The following CYP3A43 variants were observed in gnomAD, a reference collection of about 807,000 sequenced individuals.
CYP3A43 encodes cytochrome P450 family 3 subfamily A member 43, also known as cytochrome P450 3A43.
A neutral mutation model predicts 58.0 loss-of-function variants in CYP3A43; 45 were observed. That is an observed-to-expected ratio of 0.78 (90% CI 0.61 to 0.99). CYP3A43 has a LOEUF of 0.99. CYP3A43 is among the 50% of genes least tolerant of loss of function. The pLI is 0.00. For missense variants in CYP3A43, 593 were observed against 591.9 expected, an observed-to-expected ratio of 1.00 and a Z score of -0.02; for synonymous variants, 191 against 201.4, an observed-to-expected ratio of 0.95 and a Z score of 0.44.
chr7:99,856,742 T>A, intron 8 of CYP3A43, 91 bp from the exon 9 acceptor site: 1 of 1,317,494 alleles, frequency 7.6e-7, no homozygotes, highest in South Asian at 1.2e-5. Context: ...GAGAGCATAT[T>A]CTCAGGAGGG....
intron 9 of CYP3A43, among the ~76,000 whole-genome samples, chr7:99,859,517 T>C (rs1251794345): frequency 6.6e-6 from 1 of 152,212 alleles, no homozygotes; most frequent in Non-Finnish European, 1.5e-5. Flanking sequence ...GACATCCCTA[T>C]AACACTGAGT....
intron 7 of CYP3A43, among the ~76,000 whole-genome samples, chr7:99,853,891 A>G (rs1454561374): frequency 6.7e-6 from 1 of 149,430 alleles, no homozygotes; most frequent in East Asian, 1.9e-4. Context: ...TTTTGTGGAT[A>G]CACAGTTGGT....
intron 1 of CYP3A43, among the ~76,000 whole-genome samples, chr7:99,829,506 A>C (rs2151584399): frequency 1.3e-5 from 2 of 152,274 alleles, no homozygotes; most frequent in South Asian, 4.1e-4. Context: ...GATAGAGCAG[A>C]CTCCAGAGAA....
intron 10 of CYP3A43, among the ~76,000 whole-genome samples, chr7:99,860,882 A>ATT (rs34710117): frequency 0.06 from 8,901 of 148,664 alleles, 824 homozygotes; most frequent in African/African-American, 0.2. Context: ...TACTCTCCAC[A>ATT]TTTTTTTTTT....
intron 9 of CYP3A43, among the ~76,000 whole-genome samples, chr7:99,858,975 G>A (rs775487443): frequency 3.3e-5 from 5 of 152,036 alleles, no homozygotes; most frequent in Admixed American, 6.6e-5. Context: ...GGGATTACAC[G>A]CTTGCACCAC....
intron 11 of CYP3A43, among the ~76,000 whole-genome samples, chr7:99,862,835 A>G (rs580123): frequency 0.11 from 16,533 of 152,152 alleles, 1,555 homozygotes; most frequent in African/African-American, 0.25. Flanking sequence ...AGAATTGACC[A>G]ATTTCTCTGT....
chr7:99,836,631 G>A (rs1817093190), intron 2 of CYP3A43, 85 bp downstream of exon 2: 1 of 1,004,004 alleles, frequency 1.0e-6, no homozygotes, highest in Non-Finnish European at 1.5e-6. Context: ...TCCTCCTCAG[G>A]AGGAATTTCC....
At chr7:99,835,022 G>A (rs1170552837) in intron 1 of CYP3A43, among the ~76,000 whole-genome samples, 1 of 152,180 alleles carries the variant, frequency 6.6e-6, no homozygotes, top group South Asian at 2.1e-4. Context: ...GGCACCGGCT[G>A]ATCAAAATGC....
At chr7:99,845,299 T>G (rs955883837) in intron 4 of CYP3A43, among the ~76,000 whole-genome samples, 1 of 152,070 alleles carries the variant, frequency 6.6e-6, no homozygotes, top group African/African-American at 2.4e-5. Context: ...CAGATTTCTG[T>G]GCATCTCTTT....
chr7:99,839,532 T>C, intron 3 of CYP3A43: 1 of 450,594 alleles, frequency 2.2e-6, no homozygotes, highest in South Asian at 1.7e-5. Flanking sequence ...AATAGCTTCA[T>C]ACATAAGCCA....
At chr7:99,833,477 A>C (rs980753280) in intron 1 of CYP3A43, among the ~76,000 whole-genome samples, 2 of 152,252 alleles carry the variant, frequency 1.3e-5, no homozygotes, top group African/African-American at 4.8e-5. Context: ...GCAGCTGCAC[A>C]GCTAGGGAAA....
intron 7 of CYP3A43, among the ~76,000 whole-genome samples, chr7:99,854,975 C>G (rs1308506089): frequency 1.3e-4 from 19 of 151,928 alleles, no homozygotes; most frequent in Admixed American, 1.2e-3. Flanking sequence ...ACTTGCGCCT[C>G]CCTGGTTCAA....
intron 6 of CYP3A43, 73 bp from the exon 7 acceptor site, chr7:99,849,473 T>C (rs1817662823): frequency 1.3e-6 from 2 of 1,508,698 alleles, no homozygotes; most frequent in African/African-American, 1.4e-5. Context: ...GGCATAGCAC[T>C]TCTTGCTGTG....
chr7:99,861,886 A>G, intron 11 of CYP3A43, 47 bp downstream of exon 11: 2 of 1,531,078 alleles, frequency 1.3e-6, no homozygotes, highest in Non-Finnish European at 1.8e-6. Context: ...AGCCTGATTC[A>G]AGTATATTCT....
At chr7:99,850,464 G>C (rs1016707991) in intron 7 of CYP3A43, among the ~76,000 whole-genome samples, 2 of 152,080 alleles carry the variant, frequency 1.3e-5, no homozygotes, top group Non-Finnish European at 2.9e-5. Context: ...GTTTCTCCAT[G>C]TTGGCCAGGA....
At chr7:99,839,092 T>G (rs1817216472) in intron 2 of CYP3A43, 28 bp from the exon 3 acceptor site, 1 of 1,613,890 alleles carries the variant, frequency 6.2e-7, no homozygotes, top group Non-Finnish European at 8.5e-7. Flanking sequence ...GAAATAATAC[T>G]TGAATTGTAT....
At chr7:99,850,923 CTT>C (rs1290011475) in intron 7 of CYP3A43, among the ~76,000 whole-genome samples, 1 of 151,858 alleles carries the variant, frequency 6.6e-6, no homozygotes, top group African/African-American at 2.4e-5. Flanking sequence ...AATCCCAGCA[CTT>C]TGGGAGGCCG....
At chr7:99,855,258 C>G (rs975728196) in intron 7 of CYP3A43, among the ~76,000 whole-genome samples, 1 of 152,184 alleles carries the variant, frequency 6.6e-6, no homozygotes, top group African/African-American at 2.4e-5. Flanking sequence ...TTCATTAAAG[C>G]AGCAGGCTAT....
intron 10 of CYP3A43, among the ~76,000 whole-genome samples, chr7:99,861,096 A>G (rs575798256): frequency 6.6e-6 from 1 of 152,124 alleles, no homozygotes; most frequent in East Asian, 1.9e-4. Context: ...CTGGTCTCAA[A>G]CTCCTGACCT....
Sources: allele counts gnomAD v4.1 joint callset (sites outside exome capture counted in the v4.1 genomes callset), GRCh38; gene constraint gnomAD v4.1.1; transcripts MANE v1.5; gene names NCBI Gene and HGNC (gene_info 2026-07-23, HGNC 2026-07-21).